DNAJB13: variants seen among roughly 807,000 people sequenced by gnomAD.
The protein encoded by DNAJB13 is dnaJ homolog subfamily B member 13.
Under a neutral mutation model 35.6 loss-of-function variants are expected in DNAJB13, and 22 were observed. The observed-to-expected ratio is 0.62, with a 90% confidence interval of 0.44 to 0.88. The LOEUF (loss-of-function observed/expected upper bound fraction) is 0.88. Among genes scored for constraint, DNAJB13 ranks in the 40% least tolerant of loss-of-function variants. The pLI is 0.00. For missense variants in DNAJB13, 370 were observed against 384.3 expected (o/e 0.96, Z 0.31); for synonymous variants, 136 against 144.2 (o/e 0.94, Z 0.41).
At position 73,965,476 on chromosome 11, in the gene DNAJB13, G is replaced by A. The variant is rs150497875; in HGVS notation, c.492+441G>A. The A allele has an allele frequency of 2.2e-3, 355 of 162,738 alleles. 1 individual carries two copies. The highest frequency in any genetic ancestry group is 3.2e-3 in the Middle Eastern group (1 of 308). 10.1% of individuals were successfully genotyped at this position (162,738 alleles called of 1,614,324 possible). A position where few individuals can be genotyped will look rare whatever the true frequency, so the allele number is the denominator to read the frequency against. On this transcript the variant is annotated intron_variant, in intron 4 of 7. Transcript: ENST00000339764. ...GCTGGGAGATAGTCCCCAAGGTGAC[G>A]GGTTGAGGAAGACCCTCAGTGCCTC...
At position 73,966,789 on chromosome 11, in the gene DNAJB13, C is replaced by T. The variant is rs376596035; in HGVS notation, c.606+538C>T. On this transcript the variant is annotated intron_variant, in intron 5 of 7. Coordinates refer to ENST00000339764, the MANE Select transcript of DNAJB13 (RefSeq NM_153614.4). ...CACCTCCTGGATTCAAGCAATTATC[C>T]TGCCCCAGCCTCCTGAGTAGCTGGG... Among the ~76,000 whole-genome samples, 59 of 151,662 alleles carry T rather than the reference C, an allele frequency of 3.9e-4. No homozygotes were observed. The East Asian group carries it at 7.0e-3, about 18-fold the overall frequency.
chr11:73,956,999 G>A (rs1950763068), intron 1 of DNAJB13, among the ~76,000 whole-genome samples: 1 of 152,070 alleles, frequency 6.6e-6, no homozygotes, highest in Admixed American at 6.6e-5. Flanking sequence ...GGGGATGGCG[G>A]CGAGGCGGGT....
At chr11:73,959,400 C>G in intron 2 of DNAJB13, 94 bp from the exon 3 acceptor site, 1 of 1,442,126 alleles carries the variant, frequency 6.9e-7, no homozygotes, top group Non-Finnish European at 9.4e-7. Flanking sequence ...TGCTTCTGCC[C>G]CTTCCCTTTC....
At chr11:73,964,823 G>GCGCA (rs762920647) in intron 3 of DNAJB13, 55 bp from the exon 4 acceptor site, 3 of 1,473,158 alleles carry the variant, frequency 2.0e-6, no homozygotes, top group East Asian at 4.7e-5. Flanking sequence ...GCGCGCGCGC[G>GCGCA]CATGTCTGGG....
chr11:73,964,816 C>CGCGCCT (rs1565175667), intron 3 of DNAJB13, 62 bp from the exon 4 acceptor site: 3 of 1,376,666 alleles, frequency 2.2e-6, no homozygotes, highest in East Asian at 2.6e-5. Flanking sequence ...TGTGTGTGCG[C>CGCGCCT]GCGCGCGCAT....
Position 73,968,435 on chromosome 11 carries a change from G to A in DNAJB13, c.697G>A (p.Val233Met), listed in dbSNP as rs1354615194. The change falls in exon 6 of 8, where the codon GTG (valine) becomes ATG (methionine). Residue 233 changes from valine (V) to methionine (M), a missense_variant. Val to Met is a conservative substitution (Grantham distance 21). Coordinates refer to ENST00000339764, the MANE Select transcript of DNAJB13 (RefSeq NM_153614.4). Reference sequence around the variant, plus strand: ...CAGGGAGAATGACAACCTCTTCTTCGTGAACCCCATCCCTCTTGGCAAGGT... The same window carrying A: ...CAGGGAGAATGACAACCTCTTCTTCATGAACCCCATCCCTCTTGGCAAGGT... ...FRRENDNLFF[V>M]NPIPLGKALT... 19 of 1,613,842 alleles carry A rather than the reference G, an allele frequency of 1.2e-5. No homozygotes were observed. Among genetic ancestry groups the A allele is most frequent in the African/African-American group, 2.7e-5 (2 of 74,902 alleles).
At chr11:73,968,625 C>T (rs1195046282) in intron 6 of DNAJB13, among the ~76,000 whole-genome samples, 167 bp downstream of exon 6, 1 of 152,200 alleles carries the variant, frequency 6.6e-6, no homozygotes, top group Non-Finnish European at 1.5e-5. Flanking sequence ...CTCATCTGCA[C>T]CGCCTGGATC....
At chr11:73,953,028 G>C (rs2135271385) in intron 1 of DNAJB13, among the ~76,000 whole-genome samples, 1 of 152,226 alleles carries the variant, frequency 6.6e-6, no homozygotes, top group South Asian at 2.1e-4. Context: ...GTTTGAGAGG[G>C]CAGCCTGGGC....
In DNAJB13 at chr11:73,970,134, G is replaced by A. The variant is rs776710648; in HGVS notation, c.*20G>A. Reference sequence around the variant, plus strand: ...ACATGACTGTGGTGGGCTGGAGCAGGGGTGAGAGGAGGCTAGCCGGGCCTC... The same window carrying A: ...ACATGACTGTGGTGGGCTGGAGCAGAGGTGAGAGGAGGCTAGCCGGGCCTC... On this transcript the variant is annotated 3_prime_UTR_variant, in exon 8 of 8. Transcript: ENST00000339764. 14 of 1,576,326 alleles carry A rather than the reference G, an allele frequency of 8.9e-6. No individual in the cohort carries two copies. Among genetic ancestry groups the A allele is most frequent in the Non-Finnish European group, 1.2e-5 (14 of 1,159,232 alleles).
At chr11:73,956,442 G>A (rs911001374) in intron 1 of DNAJB13, among the ~76,000 whole-genome samples, 18 of 152,176 alleles carry the variant, frequency 1.2e-4, no homozygotes, top group Non-Finnish European at 1.9e-4. Context: ...TGAGACATCC[G>A]AGTTTTATGC....
At position 73,964,810 on chromosome 11, in the gene DNAJB13, T is replaced by C. The variant is rs28413571; in HGVS notation, c.335-68T>C. On this transcript the variant is annotated intron_variant, in intron 3 of 7. Transcript: ENST00000339764. ...GTGTGTGTGTGTGTGTGTGTGTGTG[T>C]GTGCGCGCGCGCGCATGTCTGGGTC... 184,833 of 685,938 alleles carry C rather than the reference T, an allele frequency of 0.27. 31,369 individuals are homozygous for C. The highest frequency in any genetic ancestry group is 0.49 in the African/African-American group (21,464 of 44,076). 42.5% of individuals were successfully genotyped at this position (685,938 alleles called of 1,614,324 possible).
rs552644241 is a variant in DNAJB13, at chr11:73,965,870, C to T, written c.493-268C>T. ...ACTGCTTGGCATCTCAGCCCCCAGC[C>T]CCAGTCTCATGGCATCCTCTGCCAT... On this transcript the variant is annotated intron_variant, in intron 4 of 7. Transcript: ENST00000339764. 1.3e-3 allele frequency: 545 copies of T among 434,406 alleles called. 2 individuals carry two copies. Among genetic ancestry groups the T allele is most frequent in the African/African-American group, 9.2e-3 (462 of 50,410 alleles). 26.9% of individuals were successfully genotyped at this position (434,406 alleles called of 1,614,324 possible).
intron 1 of DNAJB13, among the ~76,000 whole-genome samples, chr11:73,957,903 C>A (rs1454377386): frequency 6.6e-6 from 1 of 152,158 alleles, no homozygotes; most frequent in Non-Finnish European, 1.5e-5. Flanking sequence ...CTGACACCTG[C>A]GAGTGGAGAC....
At chr11:73,961,294 C>T (rs1283173028) in intron 3 of DNAJB13, among the ~76,000 whole-genome samples, 4 of 152,036 alleles carry the variant, frequency 2.6e-5, no homozygotes, top group African/African-American at 7.2e-5. Context: ...AAATAAAATA[C>T]ATAAATAAAG....
At chr11:73,967,396 C>T (rs928043120) in intron 5 of DNAJB13, among the ~76,000 whole-genome samples, 3 of 152,128 alleles carry the variant, frequency 2.0e-5, no homozygotes, top group African/African-American at 7.2e-5. Context: ...GCATTCAGAG[C>T]CAGGGAAGAC....
intron 4 of DNAJB13, 111 bp downstream of exon 4, chr11:73,965,146 G>T: frequency 8.1e-7 from 1 of 1,229,568 alleles, no homozygotes; most frequent in Non-Finnish European, 1.1e-6. Context: ...ATGGAATTAT[G>T]GAACCTTAGA....
At chr11:73,953,000 G>T (rs763381732) in intron 1 of DNAJB13, among the ~76,000 whole-genome samples, 41 of 152,188 alleles carry the variant, frequency 2.7e-4, no homozygotes, top group Non-Finnish European at 4.7e-4. Context: ...AAAGCAGGAG[G>T]ATCCCTTGGG....
At chr11:73,959,870 C>T (rs1950879732) in intron 3 of DNAJB13, 1 of 281,974 alleles carries the variant, frequency 3.5e-6, no homozygotes, top group Non-Finnish European at 6.3e-6. Context: ...TCAAATGATT[C>T]TCCTCCCTCA....
chr11:73,955,306 ACTT>A, intron 1 of DNAJB13, among the ~76,000 whole-genome samples: 1 of 140,606 alleles, frequency 7.1e-6, no homozygotes, highest in East Asian at 2.1e-4. Flanking sequence ...AAACCTTGTT[ACTT>A]TTTTTTTTTT....
Sources: allele counts gnomAD v4.1 joint callset (sites outside exome capture counted in the v4.1 genomes callset), GRCh38; gene constraint gnomAD v4.1.1; transcripts MANE v1.5; gene names NCBI Gene and HGNC (gene_info 2026-07-23, HGNC 2026-07-21).